Variants in SCAMP4 observed in about 807,000 individuals in gnomAD.
SCAMP4 encodes the protein secretory carrier-associated membrane protein 4.
A neutral mutation model predicts 32.1 loss-of-function variants in SCAMP4; 19 were observed. That is an observed-to-expected ratio of 0.59 (90% CI 0.41 to 0.87). The LOEUF (loss-of-function observed/expected upper bound fraction) is 0.87, where lower values mean the gene tolerates loss of function less well. Ranked by LOEUF, SCAMP4 falls within the 40% of genes least tolerant of loss-of-function variation. SCAMP4 has a pLI of 0.00. For synonymous variants in SCAMP4, 152 were observed against 132.7 expected, an observed-to-expected ratio of 1.15 and a Z score of -1.00; for missense variants, 302 against 309.0, an observed-to-expected ratio of 0.98 and a Z score of 0.17.
chr19:1,919,111 G>A, intron 5 of SCAMP4, 121 bp downstream of exon 5: 1 of 1,515,530 alleles, frequency 6.6e-7, no homozygotes, highest in East Asian at 2.5e-5. Context: ...CGCTCTCCTA[G>A]GGAGGGGTCT....
At chr19:1,907,630 C>G (rs1325761934) in intron 1 of SCAMP4, among the ~76,000 whole-genome samples, 1 of 152,172 alleles carries the variant, frequency 6.6e-6, no homozygotes, top group East Asian at 1.9e-4. Context: ...CTCCTGTTCA[C>G]CAGGGTTGTC....
At chr19:1,922,952 A>C in intron 5 of SCAMP4, 118 bp from the exon 6 acceptor site, 1 of 1,368,472 alleles carries the variant, frequency 7.3e-7, no homozygotes, top group Non-Finnish European at 9.4e-7. Flanking sequence ...TCCTTGTATG[A>C]GCTGTCCACT....
chr19:1,921,785 G>C (rs1192938639), intron 5 of SCAMP4: 3 of 984,960 alleles, frequency 3.0e-6, no homozygotes, highest in East Asian at 1.1e-4. Flanking sequence ...GTTCAGACTG[G>C]CCTGGGCAAC....
At position 1,908,241 on chromosome 19, in the gene SCAMP4, C is replaced by T. The variant is rs1009863152; in HGVS notation, c.-42+2802C>T. 1.7e-5 allele frequency: 5 copies of T among 287,536 alleles called. No homozygotes were observed. The highest frequency in any genetic ancestry group is 1.2e-4 in the East Asian group (1 of 8,290). The allele number at this position is 287,536 out of a possible 1,614,324, so 17.8% of individuals were successfully genotyped here. A position where few individuals can be genotyped will look rare whatever the true frequency, so the allele number is the denominator to read the frequency against. ...CAGCGGCAGCACCTGGCGCTGCCTC[C>T]GCGCTTCCTGCTCCCGGCTCCCACT... is the stretch of plus-strand genomic sequence containing the variant. On this transcript the variant is annotated intron_variant, in intron 1 of 6. Transcript: ENST00000316097. The surrounding 1 kb of genome is among the most constrained non-coding windows in gnomAD (Gnocchi z 4.2).
At chr19:1,915,097 C>T in intron 2 of SCAMP4, 71 bp downstream of exon 2, 11 of 1,590,736 alleles carry the variant, frequency 6.9e-6, no homozygotes, top group Non-Finnish European at 9.5e-6. Context: ...CCCACAGGAG[C>T]CCTCGGTCCT....
At chr19:1,919,697 C>T (rs973976265) in intron 5 of SCAMP4, among the ~76,000 whole-genome samples, 2 of 151,616 alleles carry the variant, frequency 1.3e-5, no homozygotes, top group Non-Finnish European at 2.9e-5. Context: ...CGGGGTTTCA[C>T]CGTGTTGCCC....
In SCAMP4 at chr19:1,908,755, T is replaced by C. The variant is rs962433254; in HGVS notation, c.-42+3316T>C. The C allele has an allele frequency of 2.8e-6, 1 of 361,658 alleles. No individual in the cohort carries two copies. Among genetic ancestry groups the C allele is most frequent in the Non-Finnish European group, 5.4e-6 (1 of 184,666 alleles). The allele number at this position is 361,658 out of a possible 1,614,324, so 22.4% of individuals were successfully genotyped here. ...CTTAAGTGATCCTCTCGCCTTGGTCTCCTGAGTAGCTGGGACTACATGTGC... is the reference window on the plus strand; with the variant it reads ...CTTAAGTGATCCTCTCGCCTTGGTCCCCTGAGTAGCTGGGACTACATGTGC... On this transcript the variant is annotated intron_variant, in intron 1 of 6. Transcript: ENST00000316097. The surrounding 1 kb of genome is among the most constrained non-coding windows in gnomAD (Gnocchi z 4.2).
chr19:1,919,284 T>C, intron 5 of SCAMP4: 3 of 1,262,852 alleles, frequency 2.4e-6, no homozygotes, highest in Non-Finnish European at 3.0e-6. Flanking sequence ...TCCTGAGTGT[T>C]GATCACACCC....
At chr19:1,923,584 C>T (rs1312652081) in intron 6 of SCAMP4, among the ~76,000 whole-genome samples, 1 of 139,728 alleles carries the variant, frequency 7.2e-6, no homozygotes, top group Non-Finnish European at 1.5e-5. Flanking sequence ...GAGCTGGGCT[C>T]ATAACAGAAA....
At chr19:1,920,713 A>G (rs1036592) in intron 5 of SCAMP4, 219,103 of 985,240 alleles carry the variant, frequency 0.22, 25,710 homozygotes, top group East Asian at 0.39. Context: ...CCCAGCTGCC[A>G]GCTCGGCTCC....
At chr19:1,914,367 G>A (rs969133732) in intron 1 of SCAMP4, among the ~76,000 whole-genome samples, 5 of 152,016 alleles carry the variant, frequency 3.3e-5, no homozygotes, top group South Asian at 2.1e-4. Context: ...CCCCGTGCCC[G>A]CCCCCTCGGG....
In SCAMP4 at chr19:1,924,394, T is replaced by C. The variant is rs2014034151; in HGVS notation, c.*110T>C. ...TGGGGCCCCATCCCCCCAGCTGGGA[T>C]GGTGGAAGCCGGTGGTGGCCACGGA... is the stretch of plus-strand genomic sequence containing the variant. On this transcript the variant is annotated 3_prime_UTR_variant, in exon 7 of 7. Coordinates refer to ENST00000316097, the MANE Select transcript of SCAMP4 (RefSeq NM_079834.4). The C allele has an allele frequency of 7.0e-6, 7 of 1,003,040 alleles. No homozygotes were observed. In the South Asian group the frequency reaches 9.2e-5, roughly 13 times the overall value. The allele number at this position is 1,003,040 out of a possible 1,614,324, so 62.1% of individuals were successfully genotyped here. A position where few individuals can be genotyped will look rare whatever the true frequency, so the allele number is the denominator to read the frequency against.
chr19:1,914,172 G>A (rs774538309), intron 1 of SCAMP4, among the ~76,000 whole-genome samples: 1 of 152,202 alleles, frequency 6.6e-6, no homozygotes, highest in East Asian at 1.9e-4. Context: ...TCCCCTGAGG[G>A]GCAGGAAGTC....
At chr19:1,911,823 C>T in intron 1 of SCAMP4, 1 of 445,836 alleles carries the variant, frequency 2.2e-6, no homozygotes, top group East Asian at 3.5e-5. Context: ...AATGATCTGT[C>T]TTCTGGTAGG....
At chr19:1,921,094 A>G (rs1329278686) in intron 5 of SCAMP4, 1 of 985,418 alleles carries the variant, frequency 1.0e-6, no homozygotes, top group East Asian at 1.1e-4. Flanking sequence ...CACAGCGCAC[A>G]GCGACTTCAT....
intron 2 of SCAMP4, chr19:1,915,492 G>C: frequency 5.0e-6 from 1 of 201,496 alleles, no homozygotes; most frequent in South Asian, 8.5e-5. Flanking sequence ...GGGGCTCCCA[G>C]TGCCACGCTG....
rs377643021 is a variant in SCAMP4, at chr19:1,917,942, C to T, written c.136+120C>T. On this transcript the variant is annotated intron_variant, in intron 3 of 6. Coordinates refer to ENST00000316097, the MANE Select transcript of SCAMP4 (RefSeq NM_079834.4). The stretch of plus-strand genomic sequence containing the variant: ...ACCGTCTACTGAAGCCGTCCTGGGC[C>T]TGGTGGTCCCTGCGGTGAACGAGGC... 26 of 1,415,132 alleles carry T rather than the reference C, an allele frequency of 1.8e-5. No individual in the cohort carries two copies. The East Asian group carries it at 1.9e-4, about 10-fold the overall frequency. The allele number at this position is 1,415,132 out of a possible 1,614,324, so 87.7% of individuals were successfully genotyped here.
chr19:1,920,524 T>G (rs2013885521), intron 5 of SCAMP4: 2 of 877,262 alleles, frequency 2.3e-6, no homozygotes, highest in Non-Finnish European at 1.4e-6. Flanking sequence ...CTGAAGCTGG[T>G]CTGTCACCTG....
rs752153362 is a variant in SCAMP4 at position 1,918,215 on chromosome 19, C to G, written c.225C>G (p.Phe75Leu). The change falls in exon 4 of 7, where the codon TTC becomes TTG. Residue 75 changes from phenylalanine to leucine, a missense_variant. Physicochemically the swap from Phe to Leu is conservative, Grantham distance 22. Coordinates refer to ENST00000316097, the MANE Select transcript of SCAMP4 (RefSeq NM_079834.4). Reference sequence around the variant, plus strand: ...CGGGGACCAACTTCGGCCTGGCCTTCGTGTGGCTGCTCCTGTTCACGCCTT... The same window carrying G: ...CGGGGACCAACTTCGGCCTGGCCTTGGTGTGGCTGCTCCTGTTCACGCCTT... ...GGSGTNFGLA[F>L]VWLLLFTPCG... The G allele has an allele frequency of 1.9e-6, 3 of 1,611,744 alleles. No homozygotes were observed. Among genetic ancestry groups the G allele is most frequent in the South Asian group, 1.1e-5 (1 of 91,064 alleles).
Sources: gnomAD v4.1 joint callset for allele counts (sites outside exome capture counted in the v4.1 genomes callset) on GRCh38, gnomAD v4.1.1 for gene constraint, Gnocchi (gnomAD v3.1) non-coding constraint, MANE v1.5 for transcripts, NCBI Gene and HGNC (gene_info 2026-07-23, HGNC 2026-07-21) for gene names.